RGS6: variants seen among roughly 807,000 people sequenced by gnomAD.
The protein encoded by RGS6 is regulator of G-protein signaling 6.
In RGS6, 30 loss-of-function variants were observed where a neutral mutation model predicts 78.5. That is an observed-to-expected ratio of 0.38 (90% CI 0.29 to 0.52). RGS6 has a LOEUF of 0.52. Ranked by LOEUF, RGS6 falls within the 20% of genes least tolerant of loss-of-function variation. The pLI, the probability that RGS6 is intolerant of heterozygous loss-of-function variation, is 0.85. For missense variants in RGS6, 495 were observed against 609.7 expected (o/e 0.81, Z 1.98); for synonymous variants, 206 against 206.0 (o/e 1.00, Z 0.00).
intron 3 of RGS6, among the ~76,000 whole-genome samples, chr14:72,382,627 GA>G (rs2086487292): frequency 6.6e-6 from 1 of 152,176 alleles, no homozygotes; most frequent in South Asian, 2.1e-4. Flanking sequence ...TTGTGCAAGT[GA>G]TTGAAGACAC....
intron 16 of RGS6, chr14:72,537,402 T>C: frequency 1.4e-6 from 1 of 693,866 alleles, no homozygotes; most frequent in Non-Finnish European, 2.6e-6. Context: ...TATAACCTGC[T>C]CTCCTGCCCT....
chr14:71,884,604 T>C, the RGS6 span, among the ~76,000 whole-genome samples: 90,383 of 151,924 alleles, frequency 0.59, 27,559 homozygotes, highest in East Asian at 0.76. Flanking sequence ...AACTTGTACC[T>C]CTTTTTGTCT....
chr14:72,133,125 T>G (rs2096363520), intron 2 of RGS6, among the ~76,000 whole-genome samples: 1 of 152,160 alleles, frequency 6.6e-6, no homozygotes, highest in African/African-American at 2.4e-5. Flanking sequence ...GGTAGGGACA[T>G]CATTCATTTA....
chr14:72,418,358 G>T (rs2093968277), intron 3 of RGS6, among the ~76,000 whole-genome samples: 1 of 152,124 alleles, frequency 6.6e-6, no homozygotes, highest in Non-Finnish European at 1.5e-5. Context: ...GTAGAGATGG[G>T]GTTTCACCAT....
At chr14:72,395,742 C>T (rs1354936830) in intron 3 of RGS6, among the ~76,000 whole-genome samples, 2 of 150,732 alleles carry the variant, frequency 1.3e-5, no homozygotes, top group Non-Finnish European at 2.9e-5. Context: ...TCCATGTGTT[C>T]TCATTGTTCA....
chr14:72,236,679 G>T (rs1024611014), intron 2 of RGS6, among the ~76,000 whole-genome samples: 3 of 152,042 alleles, frequency 2.0e-5, no homozygotes, highest in African/African-American at 7.3e-5. Context: ...GACGGTGGAG[G>T]GGCCGGGCAG....
intron 3 of RGS6, among the ~76,000 whole-genome samples, chr14:72,358,088 C>A (rs958107686): frequency 1.3e-5 from 2 of 152,174 alleles, no homozygotes; most frequent in South Asian, 2.1e-4. Flanking sequence ...GCAGCTTCCA[C>A]ATGGTGTTTG....
intron 2 of RGS6, among the ~76,000 whole-genome samples, chr14:72,261,913 C>G (rs1214558913): frequency 6.6e-6 from 1 of 152,102 alleles, no homozygotes; most frequent in African/African-American, 2.4e-5. Context: ...AGTCATGATA[C>G]CTAATATTTA....
chr14:72,086,959 C>T (rs887536220), intron 2 of RGS6, among the ~76,000 whole-genome samples: 2 of 152,122 alleles, frequency 1.3e-5, no homozygotes, highest in African/African-American at 4.8e-5. Context: ...AGTCAATTGT[C>T]TTGACTATTA....
At chr14:72,379,073 C>T (rs1399614663) in intron 3 of RGS6, among the ~76,000 whole-genome samples, 1 of 151,920 alleles carries the variant, frequency 6.6e-6, no homozygotes, top group Non-Finnish European at 1.5e-5. Context: ...TAGAATGAAA[C>T]ACAAAAGTTA....
chr14:72,126,729 A>G (rs978866520), intron 2 of RGS6, among the ~76,000 whole-genome samples: 22 of 152,196 alleles, frequency 1.4e-4, no homozygotes, highest in African/African-American at 4.1e-4. Context: ...TATGTAGCCA[A>G]TTTCATGAGG....
intron 3 of RGS6, among the ~76,000 whole-genome samples, chr14:72,409,687 A>ATAT (rs2093245768): frequency 1.3e-5 from 2 of 152,042 alleles, no homozygotes; most frequent in Admixed American, 1.3e-4. Context: ...AGCATTAGGT[A>ATAT]TATCTCTCAG....
intron 8 of RGS6, among the ~76,000 whole-genome samples, chr14:72,472,522 A>G (rs2096111888): frequency 6.6e-6 from 1 of 152,248 alleles, no homozygotes; most frequent in African/African-American, 2.4e-5. Flanking sequence ...CCTTTTTGAT[A>G]AGGGGGCATA....
Position 72,055,623 on chromosome 14 carries a change from T to C in RGS6, c.84+90748T>C, listed in dbSNP as rs1361630133. On this transcript the variant is annotated intron_variant, in intron 2 of 17. Coordinates refer to ENST00000553525, the MANE Select transcript of RGS6 (RefSeq NM_001204424.2). ...CCCACCTCCAGAGACTCTGATTTCT[T>C]TGGAGCCCAGCATTGAACATAGGGA... is the stretch of plus-strand genomic sequence containing the variant. Among the ~76,000 whole-genome samples, 5 of 152,184 alleles carry C rather than the reference T, an allele frequency of 3.3e-5. 1 individual carries two copies. The highest frequency in any genetic ancestry group is 5.9e-5 in the Non-Finnish European group (4 of 68,044).
intron 3 of RGS6, among the ~76,000 whole-genome samples, chr14:72,357,334 T>G (rs2080531583): frequency 6.6e-6 from 1 of 151,798 alleles, no homozygotes; most frequent in African/African-American, 2.4e-5. Context: ...AGGAACAGTT[T>G]GAAGGGCTCA....
chr14:72,589,298 C>A, the RGS6 span, among the ~76,000 whole-genome samples: 7 of 152,168 alleles, frequency 4.6e-5, no homozygotes, highest in Non-Finnish European at 7.3e-5. Flanking sequence ...GCCTGTAATC[C>A]CAACACTTTG....
intron 17 of RGS6, among the ~76,000 whole-genome samples, chr14:72,543,927 G>A (rs1242238979): frequency 6.6e-6 from 1 of 152,014 alleles, no homozygotes; most frequent in Non-Finnish European, 1.5e-5. Context: ...GTAGAGATGG[G>A]GTTTCACCAT....
intron 2 of RGS6, among the ~76,000 whole-genome samples, chr14:72,347,325 A>G (rs566729086): frequency 6.6e-6 from 1 of 152,256 alleles, no homozygotes; most frequent in East Asian, 1.9e-4. Flanking sequence ...AATCTAACCA[A>G]TCCCATGGGA....
chr14:72,191,679 G>C (rs1251429033), intron 2 of RGS6, among the ~76,000 whole-genome samples: 2 of 152,156 alleles, frequency 1.3e-5, no homozygotes, highest in Non-Finnish European at 2.9e-5. Context: ...ACTTCCCACT[G>C]GTTGCCTCCC....
Sources: allele counts gnomAD v4.1 joint callset (sites outside exome capture counted in the v4.1 genomes callset), GRCh38; gene constraint gnomAD v4.1.1; transcripts MANE v1.5; gene names NCBI Gene and HGNC (gene_info 2026-07-23, HGNC 2026-07-21).